Variants in CRYM observed in about 807,000 individuals in gnomAD.
CRYM encodes ketimine reductase mu-crystallin.
In CRYM, 18 loss-of-function variants were observed where a neutral mutation model predicts 32.9. The ratio of observed to expected loss-of-function variants is 0.55; its 90% CI spans 0.38 to 0.81. The LOEUF is 0.81. Ranked by LOEUF, CRYM falls within the 30% of genes least tolerant of loss-of-function variation. The probability of loss-of-function intolerance (pLI) is 0.00; values close to 1 mark genes in which losing one functional copy is unlikely to be tolerated. For synonymous variants in CRYM, 153 were observed against 152.4 expected (o/e 1.00, Z -0.03); for missense variants, 337 against 393.5 (o/e 0.86, Z 1.21).
At chr16:21,266,625 A>T (rs1266561660) in intron 5 of CRYM, among the ~76,000 whole-genome samples, 1 of 152,232 alleles carries the variant, frequency 6.6e-6, no homozygotes, top group Non-Finnish European at 1.5e-5. Flanking sequence ...CTTAGTGTTA[A>T]GAAAAAGTGA....
rs1037901013 is a variant in CRYM, at chr16:21,289,795, C to T, written c.-192-10835G>A. Among the ~76,000 whole-genome samples the T allele has an allele frequency of 5.9e-5, 9 of 151,734 alleles. No individual in the cohort carries two copies. In the South Asian group the frequency reaches 8.4e-4, roughly 14 times the overall value. ...CTGCTGATTGGCCCATTTTACAGAG[C>T]GCTGATTGGCCCATTTACAGAGTGC... On this transcript the variant is annotated intron_variant, in intron 1 of 9. Coordinates refer to the CRYM transcript ENST00000219599.
At chr16:21,265,068 T>A (rs2093361378) in intron 5 of CRYM, among the ~76,000 whole-genome samples, 1 of 152,060 alleles carries the variant, frequency 6.6e-6, no homozygotes, top group Admixed American at 6.6e-5. Flanking sequence ...GAAAAAAAAA[T>A]CAAGTCCATC....
chr16:21,261,593 C>A lies in CRYM; in HGVS notation c.796-255G>T, dbSNP rs1005586608. Reference sequence around the variant, plus strand: ...AGTTGGTGCTCAGGGAGCTGTCCTGCCAAGATCATTGTGTCAGTGAGGAAA... The same window carrying A: ...AGTTGGTGCTCAGGGAGCTGTCCTGACAAGATCATTGTGTCAGTGAGGAAA... On this transcript the variant is annotated intron_variant, in intron 6 of 7. Transcript: ENST00000572914. 8.9e-6 allele frequency: 5 copies of A among 559,618 alleles called. No individual in the cohort carries two copies. The East Asian group carries it at 1.5e-4, about 17-fold the overall frequency. 34.7% of individuals were successfully genotyped at this position (559,618 alleles called of 1,614,324 possible).
chr16:21,298,985 G>A (rs1320678594), intron 1 of CRYM, among the ~76,000 whole-genome samples: 3 of 152,138 alleles, frequency 2.0e-5, no homozygotes, highest in Non-Finnish European at 4.4e-5. Flanking sequence ...ATTAGGAATA[G>A]ACACCACCCT....
At chr16:21,260,318 T>C (rs1480238769) in intron 7 of CRYM, among the ~76,000 whole-genome samples, 1 of 152,074 alleles carries the variant, frequency 6.6e-6, no homozygotes, top group Non-Finnish European at 1.5e-5. Flanking sequence ...TATTTATTTA[T>C]TTTTTGAGAT....
At chr16:21,270,940 G>T (rs926585758) in intron 3 of CRYM, among the ~76,000 whole-genome samples, 1 of 152,194 alleles carries the variant, frequency 6.6e-6, no homozygotes, top group East Asian at 1.9e-4. Flanking sequence ...CTCCTTGATA[G>T]AATGCACCAG....
Position 21,277,937 on chromosome 16 carries a change from C to T in CRYM, c.170+145G>A. 1.1e-6 allele frequency: 1 copy of T among 952,056 alleles called. No homozygotes were observed. The highest frequency in any genetic ancestry group is 1.5e-6 in the Non-Finnish European group (1 of 650,454). The allele number at this position is 952,056 out of a possible 1,614,324, so 59.0% of individuals were successfully genotyped here. ...ACACCTGTAAAACGCCCACTTAGCA[C>T]ACCGGGTAGCGCCTATTAAAAGTGG... On this transcript the variant is annotated intron_variant, in intron 1 of 7. Coordinates refer to ENST00000572914, the MANE Select transcript of CRYM (RefSeq NM_001376256.1). This position sits in a 1 kb window ranked among gnomAD's most constrained non-coding sequence, Gnocchi z 4.2.
chr16:21,266,146 CA>C (rs2093363324), intron 5 of CRYM, among the ~76,000 whole-genome samples: 1 of 152,110 alleles, frequency 6.6e-6, no homozygotes, highest in South Asian at 2.1e-4. Context: ...AGTCACTTAA[CA>C]TGGGAGGTGG....
At chr16:21,286,306 C>G (rs1433889005) in intron 1 of CRYM, among the ~76,000 whole-genome samples, 1 of 152,002 alleles carries the variant, frequency 6.6e-6, no homozygotes, top group East Asian at 1.9e-4. Flanking sequence ...GAACCTCCAC[C>G]TCCTGGGTTC....
chr16:21,267,522 C>T (rs1184312247), intron 5 of CRYM, 32 bp downstream of exon 5: 3 of 1,610,480 alleles, frequency 1.9e-6, no homozygotes, highest in African/African-American at 1.3e-5. Flanking sequence ...CTGGCCACCA[C>T]CCATCATGCC....
intron 1 of CRYM, among the ~76,000 whole-genome samples, chr16:21,284,547 A>G (rs1380348611): frequency 2.6e-5 from 4 of 151,734 alleles, no homozygotes; most frequent in African/African-American, 9.7e-5. Flanking sequence ...GGTTCTAGAC[A>G]TTTCTTTCTT....
intron 1 of CRYM, among the ~76,000 whole-genome samples, chr16:21,293,885 G>GAAA (rs1488944757): frequency 1.3e-5 from 2 of 152,110 alleles, no homozygotes; most frequent in African/African-American, 4.8e-5. Flanking sequence ...CCATAAGAAG[G>GAAA]AAACAGAAGA....
At chr16:21,288,989 G>T (rs1055038839) in intron 1 of CRYM, among the ~76,000 whole-genome samples, 1 of 151,958 alleles carries the variant, frequency 6.6e-6, no homozygotes, top group Non-Finnish European at 1.5e-5. Context: ...AATTTATTAA[G>T]ACTTGTTTTG....
chr16:21,278,243 C>T lies in CRYM; in HGVS notation c.9G>A (p.Arg3=). The T allele has an allele frequency of 1.3e-6, 2 of 1,585,018 alleles. No individual in the cohort carries two copies. The highest frequency in any genetic ancestry group is 8.6e-7 in the Non-Finnish European group (1 of 1,169,188). The change falls in exon 1 of 8, where the codon CGG becomes CGA. Residue 3 remains arginine, a synonymous_variant. Coordinates refer to ENST00000572914, the MANE Select transcript of CRYM (RefSeq NM_001376256.1). The part of the protein sequence containing the change: MS[R]VPAFLSAAEV... Reference sequence around the variant, plus strand: ...CGGCCGCGCTCAGGAACGCTGGTACCCGGCTCATCTCGCCACCTGTGCCTT... The same window carrying T: ...CGGCCGCGCTCAGGAACGCTGGTACTCGGCTCATCTCGCCACCTGTGCCTT...
intron 1 of CRYM, among the ~76,000 whole-genome samples, chr16:21,290,428 T>G (rs1960612427): frequency 6.6e-6 from 1 of 152,012 alleles, no homozygotes; most frequent in Admixed American, 6.5e-5. Context: ...AGGAAGAAAC[T>G]CGGGACACAT....
intron 3 of CRYM, among the ~76,000 whole-genome samples, chr16:21,271,675 T>G (rs2093375664): frequency 6.6e-6 from 1 of 152,208 alleles, no homozygotes; most frequent in South Asian, 2.1e-4. Context: ...TTTCCTTAAT[T>G]GTTACCATTT....
chr16:21,267,448 G>T, intron 5 of CRYM, 106 bp downstream of exon 5: 2 of 1,185,124 alleles, frequency 1.7e-6, no homozygotes, highest in Non-Finnish European at 1.2e-6. Context: ...TAAATAGCTT[G>T]GGCATTCTGC....
intron 6 of CRYM, chr16:21,261,625 T>C (rs1282847082): frequency 1.4e-5 from 7 of 516,518 alleles, no homozygotes; most frequent in African/African-American, 3.8e-5. Context: ...GAAATAGACA[T>C]GCTGTTATCT....
chr16:21,288,242 C>A (rs769475028), intron 1 of CRYM, among the ~76,000 whole-genome samples: 7 of 152,192 alleles, frequency 4.6e-5, no homozygotes, highest in East Asian at 1.9e-4. Context: ...CTTATCCCAA[C>A]CTTTTCTTTG....
Sources: allele counts gnomAD v4.1 joint callset (sites outside exome capture counted in the v4.1 genomes callset), GRCh38; gene constraint gnomAD v4.1.1; non-coding constraint Gnocchi (gnomAD v3.1); transcripts MANE v1.5; gene names NCBI Gene and HGNC (gene_info 2026-07-23, HGNC 2026-07-21).